Variants in SCFD2 observed in about 807,000 individuals in gnomAD.
SCFD2 encodes the protein sec1 family domain containing 2, also known as sec1 family domain-containing protein 2.
Under a neutral mutation model 58.9 loss-of-function variants are expected in SCFD2, and 54 were observed. The ratio of observed to expected loss-of-function variants is 0.92; its 90% CI spans 0.74 to 1.15. The LOEUF (loss-of-function observed/expected upper bound fraction) is 1.15. Ranked by LOEUF, SCFD2 falls within the 50% of genes most tolerant of loss-of-function variation. The pLI is 0.00. For synonymous variants in SCFD2, 321 were observed against 335.9 expected, an observed-to-expected ratio of 0.96 and a Z score of 0.49; for missense variants, 805 against 836.6, an observed-to-expected ratio of 0.96 and a Z score of 0.47.
At chr4:53,351,637 T>G (rs185830357) in intron 2 of SCFD2, among the ~76,000 whole-genome samples, 111 of 152,338 alleles carry the variant, frequency 7.3e-4, no homozygotes, top group Non-Finnish European at 1.4e-3. Context: ...TCACATTACT[T>G]CTGGGTTTGT....
intron 4 of SCFD2, among the ~76,000 whole-genome samples, chr4:53,244,152 G>A (rs549302084): frequency 1.1e-4 from 16 of 151,982 alleles, no homozygotes; most frequent in South Asian, 2.1e-4. Flanking sequence ...GGGAGACTTC[G>A]ACACTCCACT....
chr4:52,888,287 A>C lies in SCFD2; in HGVS notation c.1843-2421T>G, dbSNP rs974115464. Among the ~76,000 whole-genome samples, 13 of 152,296 alleles carry C rather than the reference A, an allele frequency of 8.5e-5. No homozygotes were observed. In the South Asian group the frequency reaches 1.5e-3, roughly 17 times the overall value. On this transcript the variant is annotated intron_variant, in intron 7 of 8. Transcript: ENST00000401642. Reference sequence around the variant, plus strand: ...CAGAATGCAAAGGCAGGCAGGCAGGAGGAAAGGAAGGACAGAGAGAAGAGA... The same window carrying C: ...CAGAATGCAAAGGCAGGCAGGCAGGCGGAAAGGAAGGACAGAGAGAAGAGA...
intron 2 of SCFD2, among the ~76,000 whole-genome samples, chr4:53,322,013 G>T (rs1206165256): frequency 3.9e-5 from 6 of 152,204 alleles, no homozygotes; most frequent in Admixed American, 3.9e-4. Context: ...GATAAAAACA[G>T]AGATTGAGAA....
chr4:53,169,682 T>C (rs1439080339), intron 4 of SCFD2, among the ~76,000 whole-genome samples: 1 of 152,216 alleles, frequency 6.6e-6, no homozygotes, highest in Non-Finnish European at 1.5e-5. Flanking sequence ...GATTCCCTTT[T>C]CTCCACATCC....
At chr4:53,090,070 T>C (rs1182303496) in intron 5 of SCFD2, among the ~76,000 whole-genome samples, 1 of 152,158 alleles carries the variant, frequency 6.6e-6, no homozygotes, top group African/African-American at 2.4e-5. Context: ...AGTTTTGCAA[T>C]GGAAAACAAG....
chr4:53,200,906 A>G (rs1304372391), intron 4 of SCFD2, among the ~76,000 whole-genome samples: 2 of 152,156 alleles, frequency 1.3e-5, no homozygotes, highest in Non-Finnish European at 2.9e-5. Context: ...GTATAAATCC[A>G]TTCTAAAAAT....
intron 5 of SCFD2, among the ~76,000 whole-genome samples, chr4:52,932,693 T>C (rs1311769803): frequency 6.6e-6 from 1 of 152,144 alleles, no homozygotes; most frequent in Admixed American, 6.5e-5. Context: ...GCAATTTGAG[T>C]TTATTTTTCT....
rs187146665 is a variant in SCFD2, at chr4:52,876,609, G to A, written c.1963-2548C>T. Among the ~76,000 whole-genome samples, 11 of 151,982 alleles carry A rather than the reference G, an allele frequency of 7.2e-5. 1 individual carries two copies. Among genetic ancestry groups the A allele is most frequent in the African/African-American group, 2.2e-4 (9 of 41,456 alleles). On this transcript the variant is annotated intron_variant, in intron 8 of 8. Coordinates refer to ENST00000401642, the MANE Select transcript of SCFD2 (RefSeq NM_152540.4). ...TACTAAAAATACAAAAATTAGGTGC[G>A]CGTGGCGGTGCATGCCTGCAGTCCC...
At chr4:53,112,846 C>T (rs1380654840) in intron 5 of SCFD2, among the ~76,000 whole-genome samples, 1 of 152,060 alleles carries the variant, frequency 6.6e-6, no homozygotes, top group Non-Finnish European at 1.5e-5. Flanking sequence ...CTTCTCCAGC[C>T]TACATTAGGA....
intron 5 of SCFD2, among the ~76,000 whole-genome samples, chr4:52,921,570 C>CATT (rs1351814821): frequency 1.3e-5 from 2 of 152,134 alleles, no homozygotes; most frequent in East Asian, 3.9e-4. Context: ...TACATTAACT[C>CATT]ATTAATCGTC....
intron 5 of SCFD2, among the ~76,000 whole-genome samples, chr4:52,990,760 GA>G (rs140795994): frequency 3.3e-5 from 5 of 150,514 alleles, no homozygotes; most frequent in East Asian, 1.9e-4. Context: ...TTAGAATAAA[GA>G]AAAAAAAATA....
At chr4:53,343,241 A>T (rs1733942731) in intron 2 of SCFD2, among the ~76,000 whole-genome samples, 1 of 152,208 alleles carries the variant, frequency 6.6e-6, no homozygotes, top group Non-Finnish European at 1.5e-5. Context: ...GAAGAATCAA[A>T]TAGATGTGAT....
At chr4:52,902,126 G>C (rs1285681377) in intron 7 of SCFD2, among the ~76,000 whole-genome samples, 1 of 152,188 alleles carries the variant, frequency 6.6e-6, no homozygotes, top group African/African-American at 2.4e-5. Context: ...TGGGAGAGTT[G>C]GGGGCCTGAG....
At chr4:53,150,950 T>C (rs1273292344) in intron 4 of SCFD2, among the ~76,000 whole-genome samples, 1 of 152,218 alleles carries the variant, frequency 6.6e-6, no homozygotes, top group African/African-American at 2.4e-5. Context: ...GCTTTTGCTT[T>C]ATCAGGTTGT....
At chr4:53,077,536 C>T (rs1724013229) in intron 5 of SCFD2, among the ~76,000 whole-genome samples, 1 of 152,206 alleles carries the variant, frequency 6.6e-6, no homozygotes, top group East Asian at 1.9e-4. Context: ...CTCCTGGGTT[C>T]AAACAATTCT....
intron 4 of SCFD2, among the ~76,000 whole-genome samples, chr4:53,146,575 C>T (rs1206336471): frequency 6.6e-6 from 1 of 151,998 alleles, no homozygotes; most frequent in Admixed American, 6.6e-5. Context: ...CAGCAGTGCA[C>T]AAAACAAATT....
At chr4:52,881,713 T>C (rs1718614021) in intron 8 of SCFD2, among the ~76,000 whole-genome samples, 1 of 152,156 alleles carries the variant, frequency 6.6e-6, no homozygotes, top group South Asian at 2.1e-4. Flanking sequence ...GACAAAGTGG[T>C]TTTAATTGTC....
intron 2 of SCFD2, among the ~76,000 whole-genome samples, chr4:53,344,142 A>G (rs1367573525): frequency 1.3e-5 from 2 of 151,860 alleles, no homozygotes; most frequent in East Asian, 4.0e-4. Flanking sequence ...TCAATTAGGA[A>G]AAAAGGAAGT....
intron 5 of SCFD2, among the ~76,000 whole-genome samples, chr4:53,066,935 G>A (rs1723679422): frequency 6.6e-6 from 1 of 152,026 alleles, no homozygotes; most frequent in Non-Finnish European, 1.5e-5. Flanking sequence ...TGAGGAAAAG[G>A]GGCTGATGAT....
Sources: gnomAD v4.1 joint callset for allele counts (sites outside exome capture counted in the v4.1 genomes callset) on GRCh38, gnomAD v4.1.1 for gene constraint, MANE v1.5 for transcripts, NCBI Gene and HGNC (gene_info 2026-07-23, HGNC 2026-07-21) for gene names.